ALDH1L1: variants seen among roughly 807,000 people sequenced by gnomAD.
ALDH1L1 encodes cytosolic 10-formyltetrahydrofolate dehydrogenase.
Under a neutral mutation model 101.1 loss-of-function variants are expected in ALDH1L1, and 68 were observed. That is an observed-to-expected ratio of 0.67 (90% CI 0.55 to 0.82). ALDH1L1 has a LOEUF of 0.82. Among genes scored for constraint, ALDH1L1 ranks in the 40% least tolerant of loss-of-function variants. The pLI is 0.00. For synonymous variants in ALDH1L1, 486 were observed against 470.8 expected (o/e 1.03, Z -0.42); for missense variants, 1,087 against 1,172.7 (o/e 0.93, Z 1.07).
rs540070416 is a variant in ALDH1L1, at chr3:126,134,748, C to T, written c.1472+787G>A. Among the ~76,000 whole-genome samples, 8 of 152,334 alleles carry T rather than the reference C, an allele frequency of 5.3e-5. No homozygotes were observed. In the East Asian group the frequency reaches 1.5e-3, roughly 29 times the overall value. On this transcript the variant is annotated intron_variant, in intron 12 of 22. Coordinates refer to ENST00000393434, the MANE Select transcript of ALDH1L1 (RefSeq NM_012190.4). ...GTCTCTCCTGCCAGGTGAGGAGCTT[C>T]GTTGGGACCACGCCATAACTTGGCT...
intron 8 of ALDH1L1, among the ~76,000 whole-genome samples, chr3:126,150,052 T>G (rs2080777690): frequency 6.6e-6 from 1 of 152,232 alleles, no homozygotes; most frequent in South Asian, 2.1e-4. Context: ...CTGCCTCTGG[T>G]GCAGCCTTTC....
intron 1 of ALDH1L1, among the ~76,000 whole-genome samples, chr3:126,186,817 C>T (rs983152685): frequency 1.3e-5 from 2 of 152,150 alleles, no homozygotes; most frequent in African/African-American, 4.8e-5. Flanking sequence ...CAGTGGAGAG[C>T]CCACCTCATG....
chr3:126,108,744 C>T (rs550279469), intron 20 of ALDH1L1, among the ~76,000 whole-genome samples: 1 of 152,236 alleles, frequency 6.6e-6, no homozygotes, highest in Non-Finnish European at 1.5e-5. Flanking sequence ...CGAGCAGCAG[C>T]AAATGCATGG....
intron 10 of ALDH1L1, 42 bp from the exon 11 acceptor site, chr3:126,136,925 G>T (rs756828955): frequency 1.9e-6 from 3 of 1,611,190 alleles, no homozygotes. Context: ...CCCATGCAGG[G>T]TGCAGGAAGC....
chr3:126,115,199 C>G, intron 17 of ALDH1L1: 1 of 406,238 alleles, frequency 2.5e-6, no homozygotes, highest in Admixed American at 2.7e-5. Context: ...GGCTGGGGCA[C>G]CTCCTTGTAT....
At chr3:126,122,748 C>T (rs2080102932) in intron 16 of ALDH1L1, among the ~76,000 whole-genome samples, 1 of 152,116 alleles carries the variant, frequency 6.6e-6, no homozygotes, top group African/African-American at 2.4e-5. Flanking sequence ...TCGTATAAAT[C>T]TGAAGTTGAT....
In ALDH1L1 at chr3:126,124,437, T is replaced by C. The variant is rs2080140054; in HGVS notation, c.1815A>G (p.Thr605=). The stretch of plus-strand genomic sequence containing the variant: ...ATGTCAGCTCTGCAAACTTCAAGGC[T>C]GTGAGTGGGGTCACCTGGGTGTGGG... The part of the protein sequence containing the change: ...VIKPAQVTPL[T]ALKFAELTLK... The change falls in exon 16 of 23, where the codon ACA becomes ACG. Residue 605 remains threonine, a synonymous_variant. Transcript: ENST00000393434. 1 of 1,611,232 alleles carries C rather than the reference T, an allele frequency of 6.2e-7. No individual in the cohort carries two copies. The highest frequency in any genetic ancestry group is 1.3e-5 in the African/African-American group (1 of 74,876).
At chr3:126,156,798 AC>A (rs771659423) in intron 4 of ALDH1L1, 2 of 152,122 alleles carry the variant, frequency 1.3e-5, no homozygotes, top group South Asian at 2.1e-4. Context: ...GGATCACATG[AC>A]CCCCAAGCTG....
At chr3:126,138,057 C>T in intron 9 of ALDH1L1, 97 bp from the exon 10 acceptor site, 1 of 1,489,668 alleles carries the variant, frequency 6.7e-7, no homozygotes, top group South Asian at 1.3e-5. Context: ...CCCAGAGAGG[C>T]TCCATCCCAG....
intron 14 of ALDH1L1, among the ~76,000 whole-genome samples, chr3:126,127,059 T>C (rs1444797416): frequency 6.6e-6 from 1 of 152,200 alleles, no homozygotes; most frequent in Non-Finnish European, 1.5e-5. Flanking sequence ...GAAACAGCTC[T>C]GCCCACATCT....
chr3:126,113,993 C>T (rs1233011423), intron 18 of ALDH1L1, among the ~76,000 whole-genome samples: 1 of 152,242 alleles, frequency 6.6e-6, no homozygotes, highest in Non-Finnish European at 1.5e-5. Context: ...AGGCTGCCCA[C>T]TAAGTCAGTG....
chr3:126,184,715 A>C (rs1196076751), upstream of ALDH1L1, among the ~76,000 whole-genome samples: 1 of 152,172 alleles, frequency 6.6e-6, no homozygotes, highest in Non-Finnish European at 1.5e-5. Context: ...GGGGGATGGG[A>C]TAGACATGGG....
intron 1 of ALDH1L1, among the ~76,000 whole-genome samples, chr3:126,197,458 T>C (rs762135178): frequency 3.9e-5 from 6 of 152,132 alleles, no homozygotes; most frequent in Non-Finnish European, 7.4e-5. Context: ...TTACACCCCC[T>C]GCAATATTAC....
chr3:126,112,383 G>T (rs3772423), intron 19 of ALDH1L1, among the ~76,000 whole-genome samples: 37,481 of 152,072 alleles, frequency 0.25, 4,888 homozygotes, highest in African/African-American at 0.32. Context: ...CCTGTCCATG[G>T]TCAGGCCCAG....
Position 126,124,354 on chromosome 3 carries a change from T to C in ALDH1L1, c.1888+10A>G, listed in dbSNP as rs772278377. The stretch of plus-strand genomic sequence containing the variant: ...GAAGCCCTAGCCCTGCCCCCGACAA[T>C]GGCTCTTACCAGATCCTGGGAGGAC... On this transcript the variant is annotated intron_variant, in intron 16 of 22. Coordinates refer to ENST00000393434, the MANE Select transcript of ALDH1L1 (RefSeq NM_012190.4). The C allele has an allele frequency of 6.2e-7, 1 of 1,605,696 alleles. No homozygotes were observed. Among genetic ancestry groups the C allele is most frequent in the Non-Finnish European group, 8.5e-7 (1 of 1,176,466 alleles).
chr3:126,181,071 G>T, upstream of ALDH1L1: 1 of 1,485,324 alleles, frequency 6.7e-7, no homozygotes, highest in South Asian at 1.2e-5. Context: ...GTGGATAGCG[G>T]CGCTTCTGCC....
intron 15 of ALDH1L1, 151 bp from the exon 16 acceptor site, chr3:126,124,602 C>T: frequency 1.5e-6 from 1 of 669,992 alleles, no homozygotes; most frequent in Non-Finnish European, 2.6e-6. Context: ...AGGAAAGCCA[C>T]CAGAGGGGGC....
chr3:126,177,439 C>T (rs557367780), intron 1 of ALDH1L1, among the ~76,000 whole-genome samples: 75 of 152,070 alleles, frequency 4.9e-4, no homozygotes, highest in South Asian at 3.1e-3. Flanking sequence ...TTTTGCTAAG[C>T]GAAAGAAGCC....
chr3:126,161,584 T>C (rs537706577), intron 1 of ALDH1L1, among the ~76,000 whole-genome samples: 108 of 152,366 alleles, frequency 7.1e-4, no homozygotes, highest in Non-Finnish European at 1.4e-3. Flanking sequence ...CTAAGGAAGA[T>C]GTGTAGAATG....
Sources: allele counts gnomAD v4.1 joint callset (sites outside exome capture counted in the v4.1 genomes callset), GRCh38; gene constraint gnomAD v4.1.1; transcripts MANE v1.5; gene names NCBI Gene and HGNC (gene_info 2026-07-23, HGNC 2026-07-21).